Variants in PRRX2 observed in about 807,000 individuals in gnomAD.
PRRX2 encodes paired mesoderm homeobox protein 2.
In PRRX2, 11 loss-of-function variants were observed where a neutral mutation model predicts 18.0. That is an observed-to-expected ratio of 0.61 (90% confidence interval 0.39 to 1.01). The LOEUF is 1.01. Ranked by LOEUF, PRRX2 falls within the 50% of genes least tolerant of loss-of-function variation. The pLI is 0.01. For synonymous variants in PRRX2, 177 were observed against 154.8 expected (o/e 1.14, Z -1.06); for missense variants, 387 against 351.0 (o/e 1.10, Z -0.82).
At position 129,719,334 on chromosome 9, in the gene PRRX2, C is replaced by G. The variant is rs758038591; in HGVS notation, c.363C>G (p.Arg121=). The G allele has an allele frequency of 6.2e-7, 1 of 1,600,222 alleles. No homozygotes were observed. The highest frequency in any genetic ancestry group is 2.3e-5 in the East Asian group (1 of 44,168). The change falls in exon 2 of 4, where the codon CGC becomes CGG. Residue 121 remains arginine, a synonymous_variant. Transcript: ENST00000372469. ...FNSSQLQALE[R]VFERTHYPDA... The stretch of plus-strand genomic sequence containing the variant: ...GCAGCCAACTGCAGGCGCTGGAGCG[C>G]GTGTTCGAGCGCACGCACTACCCCG...
rs1588160707 is a variant in PRRX2, at chr9:129,671,457, G to A, written c.259+5331G>A. ...TAGACCGGCTTGCCCTTCTCTGTGA[G>A]CAGAAACTCAACAGGCTGGAGCCAC... is the stretch of plus-strand genomic sequence containing the variant. On this transcript the variant is annotated intron_variant, in intron 1 of 3. Transcript: ENST00000372469. The surrounding 1 kb of genome is among the most constrained non-coding windows in gnomAD (Gnocchi z 4.0). Among the ~76,000 whole-genome samples, 1 of 152,200 alleles carries A rather than the reference G, an allele frequency of 6.6e-6. No individual in the cohort carries two copies. Among genetic ancestry groups the A allele is most frequent in the African/African-American group, 2.4e-5 (1 of 41,456 alleles).
rs1053755541 is a variant in PRRX2, at chr9:129,715,674, C to A, written c.260-3557C>A. Among the ~76,000 whole-genome samples, 1 of 151,562 alleles carries A rather than the reference C, an allele frequency of 6.6e-6. No individual in the cohort carries two copies. Among genetic ancestry groups the A allele is most frequent in the Non-Finnish European group, 1.5e-5 (1 of 67,940 alleles). On this transcript the variant is annotated intron_variant, in intron 1 of 3. Transcript: ENST00000372469. This position sits in a 1 kb window ranked among gnomAD's most constrained non-coding sequence, Gnocchi z 4.0. ...GCACCCCTTCCCCAGTCCTAACGAT[C>A]AAAAATGTCTCACAGGGGCAAAATT...
chr9:129,701,444 A>ACAGAGCTCT (rs947736177), intron 1 of PRRX2, among the ~76,000 whole-genome samples: 2 of 152,226 alleles, frequency 1.3e-5, no homozygotes, highest in African/African-American at 4.8e-5. Flanking sequence ...CACAGAGCTC[A>ACAGAGCTCT]CAGAGCTGGC....
chr9:129,693,920 G>A (rs115860139), intron 1 of PRRX2, among the ~76,000 whole-genome samples: 1,594 of 152,302 alleles, frequency 0.01, 39 homozygotes, highest in African/African-American at 0.036. Context: ...GATGCCACAC[G>A]TGACATAGTT....
At chr9:129,693,651 CA>C (rs1454922127) in intron 1 of PRRX2, among the ~76,000 whole-genome samples, 2 of 151,426 alleles carry the variant, frequency 1.3e-5, no homozygotes, top group Non-Finnish European at 2.9e-5. Flanking sequence ...GCCTTGCCAT[CA>C]TTACTGGTTA....
At chr9:129,673,820 C>A (rs533131103) in intron 1 of PRRX2, among the ~76,000 whole-genome samples, 1 of 152,188 alleles carries the variant, frequency 6.6e-6, no homozygotes, top group Non-Finnish European at 1.5e-5. Context: ...GGTTAAGTGC[C>A]TTTTGCGAGG....
At chr9:129,667,478 G>A (rs1588159345) in intron 1 of PRRX2, among the ~76,000 whole-genome samples, 1 of 152,210 alleles carries the variant, frequency 6.6e-6, no homozygotes. Context: ...CTGATGAAGG[G>A]AGACTCCAGG....
In PRRX2 at chr9:129,665,785, C is replaced by A; in HGVS notation, c.-83C>A. On this transcript the variant is annotated 5_prime_UTR_variant, in exon 1 of 4. Transcript: ENST00000372469. The surrounding 1 kb of genome is among the most constrained non-coding windows in gnomAD (Gnocchi z 5.3). ...TGGGCAGAGCGCGGGGCGGCCGGGG[C>A]TCTCGCTCCGACCCGCGCCCGCGAC... 1 of 934,670 alleles carries A rather than the reference C, an allele frequency of 1.1e-6. No individual in the cohort carries two copies. Among genetic ancestry groups the A allele is most frequent in the Non-Finnish European group, 1.3e-6 (1 of 778,940 alleles). 57.9% of individuals were successfully genotyped at this position (934,670 alleles called of 1,614,324 possible).
intron 1 of PRRX2, among the ~76,000 whole-genome samples, chr9:129,707,565 T>G (rs1323962752): frequency 1.3e-5 from 2 of 151,894 alleles, no homozygotes; most frequent in Non-Finnish European, 2.9e-5. Context: ...GCTGGTCTGG[T>G]GGGTCACCTG....
At chr9:129,672,338 C>T (rs1323675046) in intron 1 of PRRX2, among the ~76,000 whole-genome samples, 1 of 152,156 alleles carries the variant, frequency 6.6e-6, no homozygotes, top group Non-Finnish European at 1.5e-5. Flanking sequence ...TCGGCTGGGG[C>T]ATCACAGGCC....
chr9:129,679,979 C>T (rs2119060679), intron 1 of PRRX2, among the ~76,000 whole-genome samples: 1 of 152,276 alleles, frequency 6.6e-6, no homozygotes, highest in African/African-American at 2.4e-5. Flanking sequence ...GTCTCTGAGC[C>T]TCAAATTCCT....
chr9:129,666,840 C>G (rs1040315382), intron 1 of PRRX2, among the ~76,000 whole-genome samples: 2 of 152,208 alleles, frequency 1.3e-5, no homozygotes, highest in Non-Finnish European at 2.9e-5. Context: ...GGAGTCCTCG[C>G]GGCTCAGCAC....
chr9:129,683,910 C>T (rs1327448022), intron 1 of PRRX2, among the ~76,000 whole-genome samples: 2 of 152,164 alleles, frequency 1.3e-5, no homozygotes, highest in East Asian at 1.9e-4. Flanking sequence ...CTTCAGAGCC[C>T]TCCTGTCCCT....
In PRRX2 at chr9:129,675,455, C is replaced by A. The variant is rs1001179939; in HGVS notation, c.259+9329C>A. On this transcript the variant is annotated intron_variant, in intron 1 of 3. Coordinates refer to ENST00000372469, the MANE Select transcript of PRRX2 (RefSeq NM_016307.4). The surrounding 1 kb of genome is among the most constrained non-coding windows in gnomAD (Gnocchi z 4.4). ...CAAAAGCACCCCTGCTGAGCTGGAG[C>A]CACTGGACAAGCCCCCTCCTGGCAT... Among the ~76,000 whole-genome samples the A allele has an allele frequency of 2.0e-5, 3 of 152,134 alleles. No homozygotes were observed. Among genetic ancestry groups the A allele is most frequent in the African/African-American group, 7.2e-5 (3 of 41,436 alleles).
chr9:129,708,193 G>A (rs1588172992), intron 1 of PRRX2, among the ~76,000 whole-genome samples: 1 of 152,088 alleles, frequency 6.6e-6, no homozygotes, highest in South Asian at 2.1e-4. Context: ...CTGCCACCAC[G>A]CCTGGCTAAT....
chr9:129,685,917 G>A (rs1473203278), intron 1 of PRRX2, among the ~76,000 whole-genome samples: 2 of 152,196 alleles, frequency 1.3e-5, no homozygotes, highest in African/African-American at 2.4e-5. Flanking sequence ...GGAGTGGCTG[G>A]GAGACGTGGC....
intron 1 of PRRX2, among the ~76,000 whole-genome samples, chr9:129,692,543 C>T (rs73627632): frequency 0.036 from 5,532 of 152,226 alleles, 330 homozygotes; most frequent in African/African-American, 0.13. Flanking sequence ...AACAGTCCCC[C>T]GGGTTCTGCC....
chr9:129,687,008 G>A (rs1192899614), intron 1 of PRRX2, among the ~76,000 whole-genome samples: 24 of 152,108 alleles, frequency 1.6e-4, no homozygotes. Flanking sequence ...CGCTGGCTGA[G>A]GGACAGCCAC....
chr9:129,714,993 G>A (rs1832684396), intron 1 of PRRX2, among the ~76,000 whole-genome samples: 1 of 152,030 alleles, frequency 6.6e-6, no homozygotes, highest in Non-Finnish European at 1.5e-5. Flanking sequence ...CTTCCTCATC[G>A]AGGTGGTGGG....
Sources: allele counts gnomAD v4.1 joint callset (sites outside exome capture counted in the v4.1 genomes callset), GRCh38; gene constraint gnomAD v4.1.1; non-coding constraint Gnocchi (gnomAD v3.1); transcripts MANE v1.5; gene names NCBI Gene and HGNC (gene_info 2026-07-23, HGNC 2026-07-21).